Variants in ABHD2 observed in about 807,000 individuals in gnomAD.
The protein encoded by ABHD2 is abhydrolase domain containing 2, acylglycerol lipase, also known as monoacylglycerol lipase ABHD2.
A neutral mutation model predicts 48.1 loss-of-function variants in ABHD2; 20 were observed. The observed-to-expected ratio is 0.42, with a 90% CI of 0.29 to 0.60. The LOEUF (loss-of-function observed/expected upper bound fraction) is 0.60, where lower values mean the gene tolerates loss of function less well. ABHD2 is among the 20% of genes least tolerant of loss of function. ABHD2 has a pLI of 0.24. For synonymous variants in ABHD2, 209 were observed against 214.2 expected (o/e 0.98, Z 0.21); for missense variants, 405 against 550.9 (o/e 0.74, Z 2.65).
chr15:89,048,569 G>A, the ABHD2 span, among the ~76,000 whole-genome samples: 268 of 152,100 alleles, frequency 1.8e-3, 1 homozygote, highest in African/African-American at 6.2e-3. Flanking sequence ...TCACATAGTC[G>A]CATATTTCTT....
chr15:89,046,061 A>G, the ABHD2 span, among the ~76,000 whole-genome samples: 7 of 152,070 alleles, frequency 4.6e-5, no homozygotes, highest in African/African-American at 1.4e-4. Context: ...ATTATTTTGA[A>G]ATACGTCCCA....
At chr15:89,180,325 C>T (rs2051087824) in intron 6 of ABHD2, among the ~76,000 whole-genome samples, 2 of 151,888 alleles carry the variant, frequency 1.3e-5, no homozygotes, top group African/African-American at 4.8e-5. Context: ...CTAACTCATT[C>T]CTGTAAAAGT....
intron 5 of ABHD2, among the ~76,000 whole-genome samples, chr15:89,165,018 C>A (rs2050816647): frequency 6.6e-6 from 1 of 152,246 alleles, no homozygotes; most frequent in African/African-American, 2.4e-5. Context: ...AGTTTAAGAA[C>A]CTGCTCGTGT....
chr15:89,182,938 C>T lies in ABHD2; in HGVS notation c.723-2486C>T, dbSNP rs1007776452. On this transcript the variant is annotated intron_variant, in intron 6 of 10. Coordinates refer to ENST00000352732, the MANE Select transcript of ABHD2 (RefSeq NM_152924.5). The surrounding 1 kb of genome is among the most constrained non-coding windows in gnomAD (Gnocchi z 4.8). ...GTGTAGCCACTACCAGCTCCAATAA[C>T]ATGAATTCATACCCCCATCTTGTTT... 6.6e-6 allele frequency among the ~76,000 whole-genome samples: 1 copy of T among 152,310 alleles called. No homozygotes were observed. Among genetic ancestry groups the T allele is most frequent in the African/African-American group, 2.4e-5 (1 of 41,576 alleles).
chr15:89,147,493 A>G (rs2150879334), intron 3 of ABHD2, among the ~76,000 whole-genome samples: 1 of 151,352 alleles, frequency 6.6e-6, no homozygotes, highest in East Asian at 2.0e-4. Context: ...AGCTGGGATT[A>G]CAGGTGCCCG....
At chr15:89,148,118 CAAAAAAAAAAA>C (rs10711138) in intron 3 of ABHD2, among the ~76,000 whole-genome samples, 1,084 of 69,736 alleles carry the variant, frequency 0.016, 27 homozygotes, top group African/African-American at 0.054. Flanking sequence ...GACTCCGTCT[CAAAAAAAAAAA>C]AAAAAAAAAA....
At chr15:89,055,508 A>G in the ABHD2 span, among the ~76,000 whole-genome samples, 26,096 of 151,616 alleles carry the variant, frequency 0.17, 2,394 homozygotes, top group Admixed American at 0.19. Context: ...AATTTTAAGT[A>G]TTTTTTTGTA....
At chr15:89,138,871 T>G (rs1255290784) in intron 3 of ABHD2, among the ~76,000 whole-genome samples, 1 of 152,068 alleles carries the variant, frequency 6.6e-6, no homozygotes, top group Non-Finnish European at 1.5e-5. Flanking sequence ...TTTTTCTTTT[T>G]TTTTCCTCAT....
the ABHD2 span, among the ~76,000 whole-genome samples, chr15:89,065,401 C>T: frequency 6.6e-6 from 1 of 152,160 alleles, no homozygotes; most frequent in South Asian, 2.1e-4. Flanking sequence ...CAGACTTGGG[C>T]ATCCCCAGTC....
At chr15:89,103,021 A>G (rs968520343) in intron 1 of ABHD2, among the ~76,000 whole-genome samples, 2 of 152,254 alleles carry the variant, frequency 1.3e-5, no homozygotes, top group Non-Finnish European at 2.9e-5. Flanking sequence ...ACTTGAGGGC[A>G]TGAACTTACT....
chr15:89,058,920 G>T, the ABHD2 span, among the ~76,000 whole-genome samples: 1 of 151,578 alleles, frequency 6.6e-6, no homozygotes, highest in South Asian at 2.1e-4. Context: ...TCTCTCAAGG[G>T]ATGGATAATT....
chr15:89,050,545 C>T, the ABHD2 span, among the ~76,000 whole-genome samples: 1 of 152,220 alleles, frequency 6.6e-6, no homozygotes, highest in Non-Finnish European at 1.5e-5. Context: ...TGTGAACTGA[C>T]ATTTCCACCC....
the ABHD2 span, among the ~76,000 whole-genome samples, chr15:89,046,225 C>G: frequency 1.3e-5 from 2 of 152,118 alleles, no homozygotes; most frequent in Non-Finnish European, 2.9e-5. Context: ...ATTGAACCAG[C>G]CTTGCATCCC....
Position 89,179,982 on chromosome 15 carries a change from G to T in ABHD2, c.722+3987G>T, listed in dbSNP as rs1385593096. On this transcript the variant is annotated intron_variant, in intron 6 of 10. Coordinates refer to ENST00000352732, the MANE Select transcript of ABHD2 (RefSeq NM_152924.5). The surrounding 1 kb of genome is among the most constrained non-coding windows in gnomAD (Gnocchi z 4.3). ...CTTGCTTTTGATGGGCAAACTTCAG[G>T]CTAGAGATGAGTTTATGGCAAAAGC... is the stretch of plus-strand genomic sequence containing the variant. Among the ~76,000 whole-genome samples the T allele has an allele frequency of 6.6e-6, 1 of 152,182 alleles. No individual in the cohort carries two copies. Among genetic ancestry groups the T allele is most frequent in the Non-Finnish European group, 1.5e-5 (1 of 68,032 alleles).
rs969052354 is a variant in ABHD2, at chr15:89,193,282, G to A, written c.1044G>A (p.Val348=). 1 of 1,614,082 alleles carries A rather than the reference G, an allele frequency of 6.2e-7. No individual in the cohort carries two copies. Among genetic ancestry groups the A allele is most frequent in the African/African-American group, 1.3e-5 (1 of 74,928 alleles). Residue 348 remains valine (V), a synonymous_variant, in exon 10 of 11, where the codon GTG becomes GTA. Transcript: ENST00000352732. ...TTAATGCAGCTGACGATCCGTTGGT[G>A]CATGAAAGTCTTCTAACCATTCCAA... The part of the protein sequence containing the change: ...MLVNAADDPL[V]HESLLTIPKS...
At chr15:89,109,762 T>A (rs1349604895) in intron 1 of ABHD2, among the ~76,000 whole-genome samples, 1 of 152,216 alleles carries the variant, frequency 6.6e-6, no homozygotes, top group Non-Finnish European at 1.5e-5. Context: ...CTAAAATTAC[T>A]TATCTCCTCA....
chr15:89,063,263 C>T, the ABHD2 span, among the ~76,000 whole-genome samples: 4 of 151,292 alleles, frequency 2.6e-5, no homozygotes, highest in Admixed American at 6.6e-5. Flanking sequence ...CCACTACGCC[C>T]GGCCAAAAAT....
chr15:89,065,974 A>C, the ABHD2 span, among the ~76,000 whole-genome samples: 1 of 152,196 alleles, frequency 6.6e-6, no homozygotes, highest in Non-Finnish European at 1.5e-5. Flanking sequence ...ACTTTTGCAC[A>C]TAAGGAAACT....
the ABHD2 span, among the ~76,000 whole-genome samples, chr15:89,064,465 T>G: frequency 6.6e-6 from 1 of 152,066 alleles, no homozygotes; most frequent in African/African-American, 2.4e-5. Flanking sequence ...CCTGACCTTG[T>G]GATCCGCCCA....
Sources: allele counts gnomAD v4.1 joint callset (sites outside exome capture counted in the v4.1 genomes callset), GRCh38; gene constraint gnomAD v4.1.1; non-coding constraint Gnocchi (gnomAD v3.1); transcripts MANE v1.5; gene names NCBI Gene and HGNC (gene_info 2026-07-23, HGNC 2026-07-21).